Variants in ADAMTSL1 observed in about 807,000 individuals in gnomAD.
ADAMTSL1 encodes ADAMTS like 1, also known as ADAMTS-like protein 1.
In ADAMTSL1, 126 loss-of-function variants were observed where a neutral mutation model predicts 201.8. That is an observed-to-expected ratio of 0.62 (90% confidence interval 0.54 to 0.72). The LOEUF (loss-of-function observed/expected upper bound fraction) is 0.72, where lower values mean the gene tolerates loss of function less well. ADAMTSL1 is among the 30% of genes least tolerant of loss of function. The pLI is 0.00. For missense variants in ADAMTSL1, 2,679 were observed against 2,277.8 expected, an observed-to-expected ratio of 1.18 and a Z score of -3.59; for synonymous variants, 1,121 against 903.4, an observed-to-expected ratio of 1.24 and a Z score of -4.32.
At chr9:18,350,297 G>A (rs750597186) in intron 2 of ADAMTSL1, among the ~76,000 whole-genome samples, 1 of 152,076 alleles carries the variant, frequency 6.6e-6, no homozygotes, top group Admixed American at 6.5e-5. Context: ...CTGAAGAGAG[G>A]TCTGAATGTA....
intron 1 of ADAMTSL1, among the ~76,000 whole-genome samples, chr9:18,501,952 C>G (rs1390732611): frequency 1.3e-5 from 2 of 152,166 alleles, no homozygotes; most frequent in Non-Finnish European, 2.9e-5. Context: ...GCTTTTAGTA[C>G]TTCTTCAAAC....
chr9:18,306,375 G>T (rs1380284579), intron 2 of ADAMTSL1, among the ~76,000 whole-genome samples: 1 of 152,108 alleles, frequency 6.6e-6, no homozygotes, highest in Non-Finnish European at 1.5e-5. Context: ...GCTTCAGAAA[G>T]TGGATAATAA....
intron 2 of ADAMTSL1, among the ~76,000 whole-genome samples, chr9:18,172,438 C>T (rs183533475): frequency 3.7e-4 from 56 of 152,140 alleles, no homozygotes; most frequent in African/African-American, 1.2e-3. Context: ...AATAGCATTT[C>T]GTACCCATCA....
chr9:18,346,863 A>G (rs139805362), intron 2 of ADAMTSL1, among the ~76,000 whole-genome samples: 8 of 152,316 alleles, frequency 5.3e-5, no homozygotes, highest in African/African-American at 1.9e-4. Context: ...TCACATGGGC[A>G]GATCCCAAAA....
At chr9:18,729,731 C>CCGA (rs1564188246) in intron 15 of ADAMTSL1, among the ~76,000 whole-genome samples, 1 of 152,092 alleles carries the variant, frequency 6.6e-6, no homozygotes, top group African/African-American at 2.4e-5. Context: ...CAGCCAAAGC[C>CCGA]GGAGTTTGGG....
At chr9:18,613,650 A>T (rs1039611881) in intron 4 of ADAMTSL1, among the ~76,000 whole-genome samples, 1 of 152,186 alleles carries the variant, frequency 6.6e-6, no homozygotes, top group Admixed American at 6.5e-5. Flanking sequence ...CAAATACTGC[A>T]TGTTATCACT....
In ADAMTSL1 at chr9:18,726,232, G is replaced by A. The variant is rs527571441; in HGVS notation, c.2006+4567G>A. On this transcript the variant is annotated intron_variant, in intron 15 of 28. Transcript: ENST00000380548. ...ATACTTAAGCTTCAGTCTGGGCGTG[G>A]TGGCTCACACCTGTAATCCCAGTAC... is the stretch of plus-strand genomic sequence containing the variant. Among the ~76,000 whole-genome samples the A allele has an allele frequency of 5.9e-5, 9 of 152,270 alleles. No individual in the cohort carries two copies. The South Asian group carries it at 1.9e-3, about 32-fold the overall frequency.
intron 3 of ADAMTSL1, among the ~76,000 whole-genome samples, chr9:18,561,520 C>T (rs112873708): frequency 3.9e-5 from 6 of 152,100 alleles, no homozygotes; most frequent in Non-Finnish European, 7.4e-5. Flanking sequence ...TTGGGGTGGA[C>T]GGTTCTATAG....
chr9:17,974,311 T>G (rs1818349087), intron 1 of ADAMTSL1, among the ~76,000 whole-genome samples: 1 of 152,040 alleles, frequency 6.6e-6, no homozygotes, highest in Admixed American at 6.6e-5. Flanking sequence ...AAATTGTCCC[T>G]GTTTGCATAT....
chr9:17,960,021 G>C (rs10963361), intron 1 of ADAMTSL1, among the ~76,000 whole-genome samples: 2 of 152,094 alleles, frequency 1.3e-5, no homozygotes, highest in Admixed American at 6.6e-5. Context: ...TGACTTAAAC[G>C]TTATATAAAC....
chr9:18,635,114 G>C (rs1420090557), intron 5 of ADAMTSL1, among the ~76,000 whole-genome samples: 1 of 151,376 alleles, frequency 6.6e-6, no homozygotes, highest in Non-Finnish European at 1.5e-5. Context: ...AGAAGTTTTG[G>C]GTGAGGGAGT....
chr9:18,493,805 T>C (rs1161054542), intron 1 of ADAMTSL1, among the ~76,000 whole-genome samples: 2 of 152,226 alleles, frequency 1.3e-5, no homozygotes, highest in African/African-American at 4.8e-5. Context: ...CTGACAGCTG[T>C]TATGAATTAG....
At chr9:18,446,128 C>T (rs1202639875) in intron 2 of ADAMTSL1, among the ~76,000 whole-genome samples, 1 of 152,072 alleles carries the variant, frequency 6.6e-6, no homozygotes, top group African/African-American at 2.4e-5. Flanking sequence ...TGTGCGATTA[C>T]CTCTAGCAGA....
chr9:18,252,203 T>G (rs1831490704), intron 2 of ADAMTSL1, among the ~76,000 whole-genome samples: 1 of 151,616 alleles, frequency 6.6e-6, no homozygotes, highest in African/African-American at 2.4e-5. Context: ...ATATTAAGAG[T>G]TTCTATAATT....
intron 1 of ADAMTSL1, among the ~76,000 whole-genome samples, chr9:18,042,079 G>T (rs1340286498): frequency 6.8e-6 from 1 of 146,914 alleles, no homozygotes; most frequent in East Asian, 2.0e-4. Context: ...GGCTTTTAGT[G>T]AGTTGTAATT....
intron 16 of ADAMTSL1, among the ~76,000 whole-genome samples, chr9:18,757,789 G>T: frequency 6.6e-6 from 1 of 152,150 alleles, no homozygotes; most frequent in Non-Finnish European, 1.5e-5. Flanking sequence ...TGAAGGCAGA[G>T]ACCAAGTCTC....
chr9:18,188,077 A>G (rs1361696980), intron 2 of ADAMTSL1, among the ~76,000 whole-genome samples: 1 of 152,144 alleles, frequency 6.6e-6, no homozygotes, highest in Non-Finnish European at 1.5e-5. Context: ...TAAACAAAAT[A>G]TCATGCCTGC....
At chr9:18,602,527 G>A (rs983519964) in intron 4 of ADAMTSL1, among the ~76,000 whole-genome samples, 5 of 152,192 alleles carry the variant, frequency 3.3e-5, no homozygotes, top group African/African-American at 9.7e-5. Flanking sequence ...ATCTGGTTCT[G>A]ATTTTGGGGG....
intron 1 of ADAMTSL1, among the ~76,000 whole-genome samples, chr9:18,137,332 TAGAA>T (rs1212554339): frequency 6.6e-6 from 1 of 152,220 alleles, no homozygotes. Flanking sequence ...ATACATATCA[TAGAA>T]AGAAGTGTTT....
Sources: allele counts gnomAD v4.1 joint callset (sites outside exome capture counted in the v4.1 genomes callset), GRCh38; gene constraint gnomAD v4.1.1; transcripts MANE v1.5; gene names NCBI Gene and HGNC (gene_info 2026-07-23, HGNC 2026-07-21).